Variants in TRIM71 observed in about 807,000 individuals in gnomAD.
TRIM71 encodes E3 ubiquitin-protein ligase TRIM71.
Under a neutral mutation model 61.2 loss-of-function variants are expected in TRIM71, and 9 were observed. That is an observed-to-expected ratio of 0.15 (90% CI 0.09 to 0.26). TRIM71 has a LOEUF of 0.26. Ranked by LOEUF, TRIM71 falls within the 10% of genes least tolerant of loss-of-function variation. TRIM71 has a pLI of 1.00. For missense variants in TRIM71, 998 were observed against 1,238.7 expected (o/e 0.81, Z 2.92); for synonymous variants, 645 against 553.2 (o/e 1.17, Z -2.33).
At chr3:32,855,535 CTT>C (rs1264731212) in intron 1 of TRIM71, among the ~76,000 whole-genome samples, 2 of 152,128 alleles carry the variant, frequency 1.3e-5, no homozygotes, top group African/African-American at 4.8e-5. Flanking sequence ...TAGCCCTCCT[CTT>C]TTGCTGCTAC....
At chr3:32,881,226 C>T (rs573189822) in intron 2 of TRIM71, among the ~76,000 whole-genome samples, 1 of 152,204 alleles carries the variant, frequency 6.6e-6, no homozygotes, top group East Asian at 1.9e-4. Context: ...ACCATGTTGG[C>T]CAGGCTAGTC....
chr3:32,841,838 T>A (rs1222412808), intron 1 of TRIM71, among the ~76,000 whole-genome samples: 1 of 152,186 alleles, frequency 6.6e-6, no homozygotes, highest in African/African-American at 2.4e-5. Flanking sequence ...ACTTCTATTT[T>A]AAAAATTTCT....
At chr3:32,829,371 A>C (rs1696240273) in intron 1 of TRIM71, among the ~76,000 whole-genome samples, 1 of 151,572 alleles carries the variant, frequency 6.6e-6, no homozygotes, top group South Asian at 2.1e-4. Context: ...TTCAGTAGAG[A>C]GGGGGTTTCT....
At chr3:32,832,682 T>G (rs1159919919) in intron 1 of TRIM71, among the ~76,000 whole-genome samples, 1 of 151,934 alleles carries the variant, frequency 6.6e-6, no homozygotes, top group Non-Finnish European at 1.5e-5. Flanking sequence ...GAAGACCCCG[T>G]CTCAATAAAA....
intron 1 of TRIM71, among the ~76,000 whole-genome samples, chr3:32,868,897 C>G (rs1349943147): frequency 6.6e-6 from 1 of 152,044 alleles, no homozygotes; most frequent in African/African-American, 2.4e-5. Flanking sequence ...TATATTTATC[C>G]AGGCCATAGT....
At chr3:32,824,407 T>C (rs1332417367) in intron 1 of TRIM71, among the ~76,000 whole-genome samples, 1 of 151,686 alleles carries the variant, frequency 6.6e-6, no homozygotes, top group Non-Finnish European at 1.5e-5. Context: ...TGGCCAGGCT[T>C]GTCTCTAACT....
intron 1 of TRIM71, among the ~76,000 whole-genome samples, chr3:32,826,582 C>T (rs202131383): frequency 3.8e-3 from 312 of 83,012 alleles, no homozygotes; most frequent in Middle Eastern, 0.016. Flanking sequence ...CAGGTGAGTT[C>T]TTTTTTTTTT....
intron 1 of TRIM71, among the ~76,000 whole-genome samples, chr3:32,857,218 C>G (rs1696615857): frequency 6.6e-6 from 1 of 152,240 alleles, no homozygotes; most frequent in South Asian, 2.1e-4. Flanking sequence ...TCAGGAATAG[C>G]ATGCTTCTTT....
chr3:32,856,487 CA>C (rs1696606369), intron 1 of TRIM71, among the ~76,000 whole-genome samples: 5 of 151,994 alleles, frequency 3.3e-5, no homozygotes, highest in Admixed American at 3.3e-4. Flanking sequence ...AGGGCAAGGA[CA>C]TCATAGTGCC....
chr3:32,821,658 C>T (rs1373659023), intron 1 of TRIM71, among the ~76,000 whole-genome samples: 9 of 152,148 alleles, frequency 5.9e-5, no homozygotes, highest in Non-Finnish European at 1.3e-4. Flanking sequence ...TCTGTGCCTC[C>T]AGAGTCCGAA....
chr3:32,891,286 A>C lies in TRIM71; in HGVS notation c.2082A>C (p.Gly694=), dbSNP rs1410290755. Residue 694 remains glycine, a synonymous_variant, in exon 4 of 4, where the codon GGA becomes GGC. Transcript: ENST00000383763. This position sits in a 1 kb window ranked among gnomAD's most constrained non-coding sequence, Gnocchi z 8.2. ...GQFLLKFGEK[G]TKNGQFNYPW... is the part of the protein sequence containing the mutation. Reference sequence around the variant, plus strand: ...TCCTCCTCAAGTTTGGTGAGAAAGGAACCAAGAATGGGCAGTTCAACTACC... The same window carrying C: ...TCCTCCTCAAGTTTGGTGAGAAAGGCACCAAGAATGGGCAGTTCAACTACC... The C allele has an allele frequency of 6.2e-7, 1 of 1,614,028 alleles. No individual in the cohort carries two copies. Among genetic ancestry groups the C allele is most frequent in the South Asian group, 1.1e-5 (1 of 91,072 alleles).
chr3:32,879,877 C>CT (rs1012659993), intron 2 of TRIM71, among the ~76,000 whole-genome samples: 1 of 151,620 alleles, frequency 6.6e-6, no homozygotes, highest in Non-Finnish European at 1.5e-5. Context: ...GGGAGGATTG[C>CT]TTGAGGCCTG....
intron 1 of TRIM71, among the ~76,000 whole-genome samples, chr3:32,860,025 C>T (rs1001916084): frequency 2.6e-5 from 4 of 152,096 alleles, no homozygotes; most frequent in African/African-American, 9.7e-5. Flanking sequence ...TCTGGTTTGC[C>T]TAGGCCCTTT....
intron 1 of TRIM71, among the ~76,000 whole-genome samples, chr3:32,865,843 T>TTA (rs1463533757): frequency 2.6e-5 from 2 of 78,104 alleles, no homozygotes; most frequent in Non-Finnish European, 2.5e-5. Context: ...TTTTTTTTTT[T>TTA]AAGACAGAGT....
chr3:32,871,355 C>A (rs145951588), intron 1 of TRIM71, among the ~76,000 whole-genome samples: 1,577 of 152,300 alleles, frequency 0.01, 17 homozygotes, highest in Non-Finnish European at 0.017. Flanking sequence ...ACACAGCTGT[C>A]TTGAGAAGAG....
intron 1 of TRIM71, among the ~76,000 whole-genome samples, chr3:32,846,367 G>A (rs1394964848): frequency 6.6e-6 from 1 of 152,180 alleles, no homozygotes; most frequent in African/African-American, 2.4e-5. Context: ...GAGCCACTAT[G>A]CCTGGCCACC....
intron 1 of TRIM71, among the ~76,000 whole-genome samples, chr3:32,822,349 G>GTCC (rs772055679): frequency 7.2e-5 from 11 of 152,102 alleles, no homozygotes; most frequent in Non-Finnish European, 1.6e-4. Context: ...AATCCATGCG[G>GTCC]TCCCTGTGTT....
intron 1 of TRIM71, among the ~76,000 whole-genome samples, chr3:32,835,334 T>A (rs1188847865): frequency 6.6e-6 from 1 of 152,206 alleles, no homozygotes; most frequent in South Asian, 2.1e-4. Context: ...TTTACACCTA[T>A]TTGTAAATGT....
chr3:32,873,727 G>T, intron 1 of TRIM71, 91 bp from the exon 2 acceptor site: 8 of 1,265,606 alleles, frequency 6.3e-6, no homozygotes, highest in Non-Finnish European at 8.4e-6. Flanking sequence ...CTGGTCGTTC[G>T]GTTGTGAGAG....
Sources: gnomAD v4.1 joint callset for allele counts (sites outside exome capture counted in the v4.1 genomes callset) on GRCh38, gnomAD v4.1.1 for gene constraint, Gnocchi (gnomAD v3.1) non-coding constraint, MANE v1.5 for transcripts, NCBI Gene and HGNC (gene_info 2026-07-23, HGNC 2026-07-21) for gene names.